TRPV2: variants seen among roughly 807,000 people sequenced by gnomAD.
TRPV2 encodes OTRPC2.
TRPV2 carries 58 observed loss-of-function variants against 91.0 expected under a neutral mutation model. That is an observed-to-expected ratio of 0.64 (90% CI 0.52 to 0.79). TRPV2 has a LOEUF of 0.79. Ranked by LOEUF, TRPV2 falls within the 30% of genes least tolerant of loss-of-function variation. The pLI, the probability that TRPV2 is intolerant of heterozygous loss-of-function variation, is 0.00. For missense variants in TRPV2, 807 were observed against 969.6 expected (o/e 0.83, Z 2.23); for synonymous variants, 417 against 414.8 (o/e 1.01, Z -0.06).
chr17:16,427,739 T>C (rs906059708), intron 8 of TRPV2, among the ~76,000 whole-genome samples, 192 bp downstream of exon 8: 3 of 152,126 alleles, frequency 2.0e-5, no homozygotes, highest in African/African-American at 7.2e-5. Context: ...GCTGTGCTTT[T>C]GGGGTTCCTT....
At chr17:16,419,348 T>C in intron 2 of TRPV2, 1 of 471,056 alleles carries the variant, frequency 2.1e-6, no homozygotes, top group African/African-American at 2.0e-5. Context: ...GATTTCTCAT[T>C]AGGTGTGCCT....
Position 16,422,707 on chromosome 17 carries a change from C to T in TRPV2, c.443C>T (p.Pro148Leu), listed in dbSNP as rs1021545147. The part of the protein sequence containing the change: ...LLQIDRDSGN[P>L]QPLVNAQCTD... ...CAGATCGACAGGGACTCTGGCAATC[C>T]TCAGCCCCTGGTAAATGCCCAGTGC... Residue 148 changes from proline (P) to leucine (L), a missense_variant, in exon 4 of 15, where the codon CCT becomes CTT. Pro to Leu is a moderately conservative substitution (Grantham distance 98). Transcript: ENST00000338560. The T allele has an allele frequency of 6.2e-6, 10 of 1,608,212 alleles. No homozygotes were observed. The highest frequency in any genetic ancestry group is 8.5e-6 in the Non-Finnish European group (10 of 1,176,974).
At chr17:16,428,263 G>T in intron 8 of TRPV2, 54 bp from the exon 9 acceptor site, 1 of 1,571,480 alleles carries the variant, frequency 6.4e-7, no homozygotes, top group Non-Finnish European at 8.8e-7. Flanking sequence ...CAGGCCAGCA[G>T]GGGGCATGCG....
rs77007057 is a variant in TRPV2, at chr17:16,420,298, T to G, written c.334+50T>G. On this transcript the variant is annotated intron_variant, in intron 3 of 14. Coordinates refer to ENST00000338560, the MANE Select transcript of TRPV2 (RefSeq NM_016113.5). ...GGCTAGGCATCCTGTGAGCTGATAG[T>G]TAGGTGGGCTGTGTGGGCTTGATCC... The G allele has an allele frequency of 8.1e-6, 2 of 245,694 alleles. No homozygotes were observed. Among genetic ancestry groups the G allele is most frequent in the Non-Finnish European group, 1.5e-5 (2 of 135,598 alleles). 15.2% of individuals were successfully genotyped at this position (245,694 alleles called of 1,614,324 possible). A position where few individuals can be genotyped will look rare whatever the true frequency, so the allele number is the denominator to read the frequency against.
Position 16,417,806 on chromosome 17 carries a change from G to A in TRPV2, c.138G>A (p.Glu46=). The A allele has an allele frequency of 6.2e-7, 1 of 1,614,212 alleles. No homozygotes were observed. Among genetic ancestry groups the A allele is most frequent in the Non-Finnish European group, 8.5e-7 (1 of 1,180,048 alleles). ...CCATGGAGTCACAGTTCCAGGGCGA[G>A]GACCGGAAATTCGCCCCTCAGATAA... The part of the protein sequence containing the change: ...LPPMESQFQG[E]DRKFAPQIRV... Residue 46 remains glutamate (E), a synonymous_variant, in exon 2 of 15, where the codon GAG becomes GAA. Coordinates refer to ENST00000338560, the MANE Select transcript of TRPV2 (RefSeq NM_016113.5).
chr17:16,421,088 CT>C (rs1290114434), intron 3 of TRPV2, among the ~76,000 whole-genome samples: 1 of 152,150 alleles, frequency 6.6e-6, no homozygotes, highest in Non-Finnish European at 1.5e-5. Context: ...CCCTTGTGTC[CT>C]TATCATCATT....
intron 10 of TRPV2, among the ~76,000 whole-genome samples, chr17:16,430,678 A>G (rs1426856323): frequency 6.6e-6 from 1 of 151,498 alleles, no homozygotes; most frequent in East Asian, 1.9e-4. Flanking sequence ...GTAGAGACGG[A>G]GTTTTGCCAC....
chr17:16,424,362 A>G (rs2093373057), intron 5 of TRPV2, among the ~76,000 whole-genome samples: 1 of 151,604 alleles, frequency 6.6e-6, no homozygotes, highest in African/African-American at 2.4e-5. Context: ...GGGTTTCACC[A>G]TGTTGGTCAG....
chr17:16,433,677 C>T lies in TRPV2; in HGVS notation c.2093C>T (p.Pro698Leu), dbSNP rs755066134. ...GTTGGCACTAAGCCAGATGGCAGCC[C>T]CGATGAGCGCTGGTGCTTCAGGTGA... ...LTVGTKPDGS[P>L]DERWCFRVEE... The change falls in exon 13 of 15, where the codon CCC becomes CTC. Residue 698 changes from proline to leucine, a missense_variant. Coordinates refer to ENST00000338560, the MANE Select transcript of TRPV2 (RefSeq NM_016113.5). 13 of 1,613,988 alleles carry T rather than the reference C, an allele frequency of 8.1e-6. No homozygotes were observed. Among genetic ancestry groups the T allele is most frequent in the Non-Finnish European group, 1.1e-5 (13 of 1,180,002 alleles).
At position 16,432,245 on chromosome 17, in the gene TRPV2, T is replaced by A; in HGVS notation, c.1934T>A (p.Met645Lys). Residue 645 changes from methionine to lysine, a missense_variant, in exon 12 of 15, where the codon ATG becomes AAG. Transcript: ENST00000338560. ...ILLLNMLIALMSETVNSVATD... is the reference protein window; with the variant it reads ...ILLLNMLIALKSETVNSVATD... ...CTGCTCAACATGCTCATCGCCCTCA[T>A]GAGCGAGACCGTCAACAGTGTCGCC... 6.2e-7 allele frequency: 1 copy of A among 1,613,396 alleles called. No homozygotes were observed. The highest frequency in any genetic ancestry group is 8.5e-7 in the Non-Finnish European group (1 of 1,179,372).
At chr17:16,431,919 G>C in intron 11 of TRPV2, 47 bp from the exon 12 acceptor site, 1 of 1,612,326 alleles carries the variant, frequency 6.2e-7, no homozygotes, top group Non-Finnish European at 8.5e-7. Context: ...TCCCAAGGCT[G>C]CCCACCGGTC....
rs1238955280 is a variant in TRPV2 at position 16,435,180 on chromosome 17, C to A, written c.2194+211C>A. Among the ~76,000 whole-genome samples the A allele has an allele frequency of 6.6e-6, 1 of 152,186 alleles. No homozygotes were observed. The highest frequency in any genetic ancestry group is 1.5e-5 in the Non-Finnish European group (1 of 68,028). ...CCCACACCTTGCTTTCAGGCAGGAA[C>A]CAGGGGAAACCTCTGAGGCTGTTAG... On this transcript the variant is annotated intron_variant, in intron 14 of 14. Coordinates refer to ENST00000338560, the MANE Select transcript of TRPV2 (RefSeq NM_016113.5). This position sits in a 1 kb window ranked among gnomAD's most constrained non-coding sequence, Gnocchi z 4.2.
chr17:16,421,122 T>C (rs2093354445), intron 3 of TRPV2, among the ~76,000 whole-genome samples: 1 of 152,204 alleles, frequency 6.6e-6, no homozygotes, highest in Non-Finnish European at 1.5e-5. Context: ...TCCTTACTTA[T>C]CGATGGCCAT....
chr17:16,435,061 AGAC>A lies in TRPV2; in HGVS notation c.2194+93_2194+95del. The A allele has an allele frequency of 1.9e-6, 2 of 1,049,440 alleles. No individual in the cohort carries two copies. The highest frequency in any genetic ancestry group is 2.7e-6 in the Non-Finnish European group (2 of 734,230). The allele number at this position is 1,049,440 out of a possible 1,614,324, so 65.0% of individuals were successfully genotyped here. A position where few individuals can be genotyped will look rare whatever the true frequency, so the allele number is the denominator to read the frequency against. On this transcript the variant is annotated intron_variant, in intron 14 of 14. Coordinates refer to ENST00000338560, the MANE Select transcript of TRPV2 (RefSeq NM_016113.5). The surrounding 1 kb of genome is among the most constrained non-coding windows in gnomAD (Gnocchi z 4.2). ...TTGGAGAGTCTGGGGCAGGACCCAG[AGAC>A]CTCCTCATAGTCCCTTTGCAGATCC...
intron 2 of TRPV2, 107 bp from the exon 3 acceptor site, chr17:16,420,008 G>A: frequency 6.8e-7 from 1 of 1,472,956 alleles, no homozygotes; most frequent in Non-Finnish European, 9.2e-7. Context: ...GGCCTGAGGG[G>A]TGTGCAGTGT....
chr17:16,429,375 T>C (rs1405152193), intron 10 of TRPV2, among the ~76,000 whole-genome samples: 1 of 152,090 alleles, frequency 6.6e-6, no homozygotes, highest in Admixed American at 6.5e-5. Flanking sequence ...CTGTTCTAGG[T>C]GTTGGGAATA....
At chr17:16,428,420 T>G (rs1568915668) in intron 9 of TRPV2, 33 bp downstream of exon 9, 1 of 1,608,224 alleles carries the variant, frequency 6.2e-7, no homozygotes, top group Admixed American at 1.7e-5. Flanking sequence ...TTCTCTCAAC[T>G]GTCTCTGAGG....
intron 10 of TRPV2, 138 bp from the exon 11 acceptor site, chr17:16,431,646 A>C (rs1600987866): frequency 1.3e-6 from 1 of 745,984 alleles, no homozygotes. Flanking sequence ...GTGTGGCTCC[A>C]CAGGCCCACA....
rs939101732 is a variant in TRPV2, at chr17:16,428,355, C to A, written c.1389C>A (p.Ile463=). The A allele has an allele frequency of 6.2e-7, 1 of 1,614,252 alleles. No individual in the cohort carries two copies. ...YFWRRHVFIW[I]SFIDSYFEIL... ...GGCGGCGCCACGTGTTCATCTGGATCTCGTTCATAGACAGCTACTTTGAAA... is the reference window on the plus strand; with the variant it reads ...GGCGGCGCCACGTGTTCATCTGGATATCGTTCATAGACAGCTACTTTGAAA... The change falls in exon 9 of 15, where the codon ATC becomes ATA. Residue 463 remains isoleucine, a synonymous_variant. Transcript: ENST00000338560.
Sources: gnomAD v4.1 joint callset for allele counts (sites outside exome capture counted in the v4.1 genomes callset) on GRCh38, gnomAD v4.1.1 for gene constraint, Gnocchi (gnomAD v3.1) non-coding constraint, MANE v1.5 for transcripts, NCBI Gene and HGNC (gene_info 2026-07-23, HGNC 2026-07-21) for gene names.